ARPC1B: variants seen among roughly 807,000 people sequenced by gnomAD.
ARPC1B encodes actin-related protein 2/3 complex subunit 1B.
Under a neutral mutation model 46.0 loss-of-function variants are expected in ARPC1B, and 29 were observed. The ratio of observed to expected loss-of-function variants is 0.63; its 90% CI spans 0.47 to 0.86. The LOEUF (loss-of-function observed/expected upper bound fraction) is 0.86, where lower values mean the gene tolerates loss of function less well. Ranked by LOEUF, ARPC1B falls within the 40% of genes least tolerant of loss-of-function variation. The probability of loss-of-function intolerance (pLI) is 0.00; values close to 1 mark genes in which losing one functional copy is unlikely to be tolerated. For synonymous variants in ARPC1B, 201 were observed against 213.9 expected (o/e 0.94, Z 0.53); for missense variants, 469 against 529.4 (o/e 0.89, Z 1.12).
At chr7:99,390,755 T>A in intron 5 of ARPC1B, 138 bp from the exon 6 acceptor site, 1 of 695,022 alleles carries the variant, frequency 1.4e-6, no homozygotes, top group Non-Finnish European at 2.4e-6. Context: ...TGGAGCACAG[T>A]AGCGCAATCA....
rs1164948585 is a variant in ARPC1B, at chr7:99,388,285, G to C, written c.392+24G>C. The C allele has an allele frequency of 1.9e-6, 3 of 1,610,812 alleles. No homozygotes were observed. In the East Asian group the frequency reaches 6.7e-5, roughly 36 times the overall value. On this transcript the variant is annotated intron_variant, in intron 4 of 9. Transcript: ENST00000646101. ...TGGTGGGTACCTAGGCAGGGCCAGA[G>C]TGGGCTGTTAGGGACCGGGGGCAGG...
At chr7:99,383,523 G>A (rs73710451) in intron 1 of ARPC1B, among the ~76,000 whole-genome samples, 2,965 of 152,338 alleles carry the variant, frequency 0.019, 79 homozygotes, top group African/African-American at 0.066. Flanking sequence ...GAGGAAGGCA[G>A]CGGGCCAGAT....
At chr7:99,380,248 C>T (rs1794169790) in intron 1 of ARPC1B, among the ~76,000 whole-genome samples, 1 of 152,144 alleles carries the variant, frequency 6.6e-6, no homozygotes, top group South Asian at 2.1e-4. Flanking sequence ...GAGACTGGAG[C>T]CCTGTGGCAG....
intron 1 of ARPC1B, among the ~76,000 whole-genome samples, chr7:99,375,303 G>T (rs1306993842): frequency 6.6e-6 from 1 of 152,092 alleles, no homozygotes; most frequent in Non-Finnish European, 1.5e-5. Context: ...GCCGGGAAAT[G>T]AGCTGGCGTC....
intron 1 of ARPC1B, chr7:99,377,311 CTTTT>C (rs768366002): frequency 7.5e-5 from 10 of 133,882 alleles, no homozygotes; most frequent in African/African-American, 1.6e-4. Context: ...TACGTGCTTT[CTTTT>C]TTTTTTTTTT....
Position 99,388,223 on chromosome 7 carries a change from TG to T in ARPC1B, c.355del (p.Val119Ter). On this transcript the variant is annotated frameshift_variant, in exon 4 of 10. Coordinates refer to ENST00000646101, the MANE Select transcript of ARPC1B (RefSeq NM_005720.4). LOFTEE classifies it high-confidence loss of function. The stretch of plus-strand genomic sequence containing the variant: ...AGTTTGCTGTGGGCAGCGGCTCTCG[TG>T]TGATCTCCATCTGTTATTTCGAGCA... ...NKFAVGSGSRVISICYFEQEN... is the reference protein window; with the variant it reads ...NKFAVGSGSRXISICYFEQEN... The T allele has an allele frequency of 6.2e-7, 1 of 1,614,108 alleles. No individual in the cohort carries two copies.
In ARPC1B at chr7:99,391,058, C is replaced by T. The variant is rs751741478; in HGVS notation, c.666C>T (p.His222=). The change falls in exon 6 of 10, where the codon CAC becomes CAT. Residue 222 remains histidine (H), a synonymous_variant. Transcript: ENST00000646101. The part of the protein sequence containing the change: ...ASGSRVAWVS[H]DSTVCLADAD... ...GGAGCCGCGTGGCCTGGGTAAGCCA[C>T]GACAGCACCGTCTGCCTGGCTGATG... The T allele has an allele frequency of 4.0e-5, 64 of 1,613,764 alleles. No individual in the cohort carries two copies. The highest frequency in any genetic ancestry group is 1.8e-4 in the Admixed American group (11 of 59,966).
Position 99,394,025 on chromosome 7 carries a change from G to T in ARPC1B, c.990-4G>T. ...AATTCATAAGCTCCTCTTCCTCTTT[G>T]CAGCCAGATCTCGGTGCTCAGCGGC... On this transcript the variant is annotated splice_region_variant and splice_polypyrimidine_tract_variant and intron_variant, in intron 8 of 9. Coordinates refer to ENST00000646101, the MANE Select transcript of ARPC1B (RefSeq NM_005720.4). 1 of 1,612,546 alleles carries T rather than the reference G, an allele frequency of 6.2e-7. No homozygotes were observed.
intron 9 of ARPC1B, 130 bp from the exon 10 acceptor site, chr7:99,394,321 C>A: frequency 9.3e-7 from 1 of 1,079,206 alleles, no homozygotes; most frequent in Non-Finnish European, 1.4e-6. Flanking sequence ...TCCAACCCAG[C>A]TGACAGACTC....
chr7:99,375,135 G>C (rs1793995723), intron 1 of ARPC1B, among the ~76,000 whole-genome samples: 1 of 151,508 alleles, frequency 6.6e-6, no homozygotes, highest in African/African-American at 2.4e-5. Flanking sequence ...CCCAGCCCCC[G>C]GCCCCAAGCT....
intron 4 of ARPC1B, 76 bp from the exon 5 acceptor site, chr7:99,389,829 G>A: frequency 8.1e-7 from 1 of 1,235,494 alleles, no homozygotes; most frequent in Non-Finnish European, 1.2e-6. Context: ...GTGGGAGCCT[G>A]GAGTCCCTGG....
chr7:99,378,374 GT>G (rs376372379), intron 1 of ARPC1B, among the ~76,000 whole-genome samples: 3 of 150,512 alleles, frequency 2.0e-5, no homozygotes, highest in Admixed American at 6.6e-5. Context: ...CACCCCACCT[GT>G]TTGCTTTTAA....
chr7:99,393,727 C>T (rs1294746079), intron 8 of ARPC1B, among the ~76,000 whole-genome samples: 2 of 152,162 alleles, frequency 1.3e-5, no homozygotes, highest in African/African-American at 4.8e-5. Context: ...CAGCTTAGTC[C>T]CTGGCTGCCC....
chr7:99,393,994 A>G, intron 8 of ARPC1B, 35 bp from the exon 9 acceptor site: 1 of 1,607,382 alleles, frequency 6.2e-7, no homozygotes, highest in Non-Finnish European at 8.5e-7. Context: ...GCGCCAGCAC[A>G]GGTTGAATTC....
intron 8 of ARPC1B, among the ~76,000 whole-genome samples, chr7:99,393,244 C>T (rs757779): frequency 0.99 from 151,560 of 152,362 alleles, 75,385 homozygotes; most frequent in Middle Eastern, 1. Context: ...CCATAGCAGC[C>T]CAGGTGCTAG....
At position 99,391,265 on chromosome 7, in the gene ARPC1B, G is replaced by A. The variant is rs751074024; in HGVS notation, c.783+12G>A. The A allele has an allele frequency of 3.1e-5, 50 of 1,612,436 alleles. No homozygotes were observed. In the Admixed American group the frequency reaches 8.3e-4, roughly 27 times the overall value. On this transcript the variant is annotated intron_variant, in intron 7 of 9. Coordinates refer to ENST00000646101, the MANE Select transcript of ARPC1B (RefSeq NM_005720.4). ...GCCTGGTGGCAGCGGTGAGGAATAG[G>A]GAGGGGAGGGAGGGTGTGTGGTCAC...
Position 99,382,359 on chromosome 7 carries a change from G to A in ARPC1B, c.-13-3343G>A, listed in dbSNP as rs1794255524. 3.5e-5 allele frequency among the ~76,000 whole-genome samples: 5 copies of A among 144,024 alleles called. No homozygotes were observed. The Middle Eastern group carries it at 0.018, about 522-fold the overall frequency. 94.5% of individuals were successfully genotyped at this position (144,024 alleles called of 152,430 possible). On this transcript the variant is annotated intron_variant, in intron 1 of 9. Coordinates refer to ENST00000646101, the MANE Select transcript of ARPC1B (RefSeq NM_005720.4). ...GGAGGTTGGAGTGAGCCAAGACTGC[G>A]ACATTGCACTCCAGGCTGGGCAACA...
In ARPC1B at chr7:99,394,652, C is replaced by A; in HGVS notation, c.*163C>A. ...GGGGACAGATGGGGAGCTTTTCTTA[C>A]CTATTCAAGGAATACGTGCCTTTTT... On this transcript the variant is annotated 3_prime_UTR_variant, in exon 10 of 10. Transcript: ENST00000646101. 1 of 1,413,492 alleles carries A rather than the reference C, an allele frequency of 7.1e-7. No individual in the cohort carries two copies. Among genetic ancestry groups the A allele is most frequent in the Non-Finnish European group, 9.2e-7 (1 of 1,086,416 alleles). The allele number at this position is 1,413,492 out of a possible 1,614,324, so 87.6% of individuals were successfully genotyped here.
intron 1 of ARPC1B, among the ~76,000 whole-genome samples, chr7:99,379,354 G>T (rs1054843741): frequency 4.7e-4 from 71 of 152,298 alleles, no homozygotes; most frequent in African/African-American, 1.6e-3. Flanking sequence ...GAGAGGGAAG[G>T]ATAGGGGTAG....
Sources: gnomAD v4.1 joint callset for allele counts (sites outside exome capture counted in the v4.1 genomes callset) on GRCh38, gnomAD v4.1.1 for gene constraint, MANE v1.5 for transcripts, NCBI Gene and HGNC (gene_info 2026-07-23, HGNC 2026-07-21) for gene names.